DAPK1: variants seen among roughly 807,000 people sequenced by gnomAD.
DAPK1 encodes death-associated protein kinase 1.
A neutral mutation model predicts 144.9 loss-of-function variants in DAPK1; 56 were observed. The ratio of observed to expected loss-of-function variants is 0.39; its 90% CI spans 0.31 to 0.48. The LOEUF is 0.48. Among genes scored for constraint, DAPK1 ranks in the 20% least tolerant of loss-of-function variants. The pLI, the probability that DAPK1 is intolerant of heterozygous loss-of-function variation, is 0.95. For missense variants in DAPK1, 1,454 were observed against 1,875.4 expected (o/e 0.78, Z 4.15); for synonymous variants, 690 against 749.0 (o/e 0.92, Z 1.29).
rs567741460 is a variant in DAPK1 at position 87,640,088 on chromosome 9, C to T, written c.630-210C>T. On this transcript the variant is annotated intron_variant, in intron 7 of 25. Coordinates refer to ENST00000408954, the MANE Select transcript of DAPK1 (RefSeq NM_004938.4). The stretch of plus-strand genomic sequence containing the variant: ...AACAGGTTTCCTTTAAACTACCAGA[C>T]GCTGTTCCAGATTAACTTGTTAAGT... Among the ~76,000 whole-genome samples, 10 of 152,308 alleles carry T rather than the reference C, an allele frequency of 6.6e-5. No individual in the cohort carries two copies. In the South Asian group the frequency reaches 8.3e-4, roughly 13 times the overall value.
At chr9:87,687,122 A>T (rs1015119396) in intron 21 of DAPK1, among the ~76,000 whole-genome samples, 1 of 152,202 alleles carries the variant, frequency 6.6e-6, no homozygotes, top group South Asian at 2.1e-4. Context: ...TATCATTTCT[A>T]TGTGTTGGGA....
intron 2 of DAPK1, among the ~76,000 whole-genome samples, chr9:87,523,594 C>G (rs1186471818): frequency 6.6e-6 from 1 of 152,182 alleles, no homozygotes; most frequent in East Asian, 1.9e-4. Context: ...GCCACCGTGC[C>G]CAGCCCACTT....
chr9:87,674,770 A>T (rs1352532248), intron 19 of DAPK1, among the ~76,000 whole-genome samples: 2 of 152,188 alleles, frequency 1.3e-5, no homozygotes. Flanking sequence ...CAGACCGTGA[A>T]TGGTCTTCCC....
chr9:87,539,908 T>A (rs2118453631), intron 2 of DAPK1, among the ~76,000 whole-genome samples: 1 of 152,234 alleles, frequency 6.6e-6, no homozygotes, highest in African/African-American at 2.4e-5. Flanking sequence ...GTGCTTGTGT[T>A]CAAGGAGCCC....
chr9:87,508,841 G>A (rs1824716515), intron 2 of DAPK1, among the ~76,000 whole-genome samples: 1 of 152,210 alleles, frequency 6.6e-6, no homozygotes, highest in South Asian at 2.1e-4. Context: ...GGACTGGGCT[G>A]CCTCAGAGAG....
chr9:87,687,507 T>C (rs1386598939), intron 21 of DAPK1, among the ~76,000 whole-genome samples: 1 of 152,268 alleles, frequency 6.6e-6, no homozygotes, highest in Admixed American at 6.5e-5. Flanking sequence ...TGTTCTGTTA[T>C]GTGTATACCA....
chr9:87,596,134 T>C (rs577716943), intron 2 of DAPK1, among the ~76,000 whole-genome samples: 2 of 152,150 alleles, frequency 1.3e-5, no homozygotes, highest in Non-Finnish European at 2.9e-5. Flanking sequence ...TGAGTTCCCA[T>C]ACAGGGTTTG....
chr9:87,557,787 A>G (rs1369919284), intron 2 of DAPK1, among the ~76,000 whole-genome samples: 1 of 152,162 alleles, frequency 6.6e-6, no homozygotes, highest in Non-Finnish European at 1.5e-5. Flanking sequence ...CTAAAATTAC[A>G]TAAATTAGCT....
intron 2 of DAPK1, among the ~76,000 whole-genome samples, chr9:87,545,217 C>A (rs1826199624): frequency 6.6e-6 from 1 of 152,180 alleles, no homozygotes; most frequent in South Asian, 2.1e-4. Context: ...ACTGATCTCC[C>A]CAATTCTCCT....
intron 17 of DAPK1, among the ~76,000 whole-genome samples, chr9:87,653,087 C>T (rs1305220902): frequency 6.8e-6 from 1 of 146,048 alleles, no homozygotes; most frequent in African/African-American, 2.5e-5. Context: ...ATTCTGTGTC[C>T]ATCCCCCCGA....
intron 2 of DAPK1, among the ~76,000 whole-genome samples, chr9:87,510,270 G>C (rs1672776847): frequency 6.6e-6 from 1 of 152,160 alleles, no homozygotes; most frequent in South Asian, 2.1e-4. Context: ...TGTTCAGTGT[G>C]ATTTGGGCAT....
At chr9:87,508,008 G>T (rs1824673233) in intron 2 of DAPK1, among the ~76,000 whole-genome samples, 1 of 152,108 alleles carries the variant, frequency 6.6e-6, no homozygotes, top group African/African-American at 2.4e-5. Flanking sequence ...TTTTGAAACT[G>T]TATAAACTTT....
intron 3 of DAPK1, among the ~76,000 whole-genome samples, chr9:87,635,227 G>A (rs67377911): frequency 0.088 from 13,447 of 152,112 alleles, 787 homozygotes; most frequent in East Asian, 0.29. Flanking sequence ...GCAGCATGGG[G>A]TTGCCAGAAG....
At chr9:87,637,126 G>A (rs1050151961) in intron 3 of DAPK1, among the ~76,000 whole-genome samples, 17 of 151,730 alleles carry the variant, frequency 1.1e-4, no homozygotes, top group African/African-American at 4.1e-4. Context: ...AGACAGTCTC[G>A]CTCTGTCACC....
chr9:87,582,106 C>T (rs12002132), intron 2 of DAPK1, among the ~76,000 whole-genome samples: 3,479 of 151,742 alleles, frequency 0.023, 125 homozygotes, highest in African/African-American at 0.077. Flanking sequence ...AATGTGGCCC[C>T]GTACCAGGTG....
intron 2 of DAPK1, among the ~76,000 whole-genome samples, chr9:87,590,555 G>A (rs1268438634): frequency 6.6e-6 from 1 of 151,466 alleles, no homozygotes. Flanking sequence ...TCAGTTCTTT[G>A]AGGCTTCCTG....
chr9:87,665,320 A>C, intron 18 of DAPK1, among the ~76,000 whole-genome samples: 1 of 152,194 alleles, frequency 6.6e-6, no homozygotes, highest in East Asian at 1.9e-4. Context: ...CTGCTAGATG[A>C]AAGTATGAAG....
At chr9:87,616,265 G>C (rs1225341934) in intron 3 of DAPK1, among the ~76,000 whole-genome samples, 1 of 152,196 alleles carries the variant, frequency 6.6e-6, no homozygotes, top group Admixed American at 6.5e-5. Flanking sequence ...TGTGATAGTG[G>C]CATGTGCCTA....
At chr9:87,700,094 G>A (rs1825409405) in intron 23 of DAPK1, 23 bp from the exon 24 acceptor site, 2 of 1,606,606 alleles carry the variant, frequency 1.2e-6, no homozygotes, top group Non-Finnish European at 8.5e-7. Flanking sequence ...TCACTGCTGA[G>A]GAGGCTGCTG....
Sources: gnomAD v4.1 joint callset for allele counts (sites outside exome capture counted in the v4.1 genomes callset) on GRCh38, gnomAD v4.1.1 for gene constraint, MANE v1.5 for transcripts, NCBI Gene and HGNC (gene_info 2026-07-23, HGNC 2026-07-21) for gene names.